The following LANCL3 variants were observed in gnomAD, a reference collection of about 807,000 sequenced individuals.
The protein encoded by LANCL3 is LanC like family member 3, also known as lanC-like protein 3.
In LANCL3, 19 loss-of-function variants were observed where a neutral mutation model predicts 26.5. The ratio of observed to expected loss-of-function variants is 0.72; its 90% CI spans 0.50 to 1.05. LANCL3 has a LOEUF of 1.05. Among genes scored for constraint, LANCL3 ranks in the 50% least tolerant of loss-of-function variants. LANCL3 has a pLI of 0.00. For synonymous variants in LANCL3, 160 were observed against 166.6 expected (o/e 0.96, Z 0.30); for missense variants, 318 against 362.7 (o/e 0.88, Z 1.00).
chrX:37,678,548 G>A lies in LANCL3; in HGVS notation c.*2735G>A, dbSNP rs1163204254. ...GGGGAGACTGCATTATGCTTTGATA[G>A]CAAGACATTTTGGAAACCATTACAA... is the stretch of plus-strand genomic sequence containing the variant. On this transcript the variant is annotated 3_prime_UTR_variant, in exon 5 of 5. Transcript: ENST00000378619. 4 of 111,517 alleles carry A rather than the reference G, an allele frequency of 3.6e-5. No individual in the cohort carries two copies. Among genetic ancestry groups the A allele is most frequent in the African/African-American group, 1.3e-4 (4 of 30,696 alleles). The allele number at this position is 111,517 out of a possible 1,213,427, so 9.2% of individuals were successfully genotyped here.
At chrX:37,650,846 G>C in intron 1 of LANCL3, among the ~76,000 whole-genome samples, 1 of 106,263 alleles carries the variant, frequency 9.4e-6, no homozygotes, top group Admixed American at 1.0e-4. Context: ...CCATTAACTT[G>C]TCATTTATAT....
At chrX:37,629,689 C>T in intron 1 of LANCL3, among the ~76,000 whole-genome samples, 1 of 110,466 alleles carries the variant, frequency 9.1e-6, no homozygotes, top group Admixed American at 9.6e-5. Flanking sequence ...TTCACAGCAC[C>T]ATTTATTAAA....
At chrX:37,581,889 G>A (rs781942747) in intron 1 of LANCL3, among the ~76,000 whole-genome samples, 5 of 110,654 alleles carry the variant, frequency 4.5e-5, no homozygotes, top group South Asian at 7.9e-4. Context: ...CCATTAACTC[G>A]TCATTTATAT....
intron 1 of LANCL3, among the ~76,000 whole-genome samples, chrX:37,627,254 C>G (rs1322572986): frequency 8.9e-6 from 1 of 112,198 alleles, no homozygotes; most frequent in East Asian, 2.8e-4. Context: ...ATGTCTCCTT[C>G]TTTCCCACCT....
chrX:37,666,547 T>C (rs1926551205), intron 3 of LANCL3, among the ~76,000 whole-genome samples: 1 of 112,226 alleles, frequency 8.9e-6, no homozygotes, highest in African/African-American at 3.2e-5. Context: ...CAGGAGAGAA[T>C]GTGATCTTGT....
At chrX:37,625,978 A>G (rs971035456) in intron 1 of LANCL3, among the ~76,000 whole-genome samples, 1 of 112,124 alleles carries the variant, frequency 8.9e-6, no homozygotes, top group Non-Finnish European at 1.9e-5. Context: ...TTTTGCTTAT[A>G]TCACTAACAT....
Position 37,683,414 on chromosome X carries a change from G to A in LANCL3, c.*7601G>A, listed in dbSNP as rs782758228. On this transcript the variant is annotated 3_prime_UTR_variant, in exon 5 of 5. Coordinates refer to ENST00000378619, the MANE Select transcript of LANCL3 (RefSeq NM_001170331.2). ...GTACTATTTGCAATATATTTGCCTT[G>A]GCACAAATGCAGAGTTAAAAACATA... 1.8e-5 allele frequency: 2 copies of A among 111,154 alleles called. No individual in the cohort carries two copies. Among genetic ancestry groups the A allele is most frequent in the South Asian group, 7.6e-4 (2 of 2,616 alleles). 9.2% of individuals were successfully genotyped at this position (111,154 alleles called of 1,213,427 possible).
intron 1 of LANCL3, among the ~76,000 whole-genome samples, chrX:37,628,572 T>C (rs1556423517): frequency 4.0e-5 from 4 of 101,214 alleles, no homozygotes; most frequent in Non-Finnish European, 8.1e-5. Context: ...GCATTAGGTA[T>C]ATCTCCTAAT....
intron 1 of LANCL3, among the ~76,000 whole-genome samples, chrX:37,647,119 C>T (rs1363692700): frequency 9.0e-6 from 1 of 111,118 alleles, no homozygotes; most frequent in African/African-American, 3.3e-5. Context: ...TCGAGACCAT[C>T]CTGGCTAAGA....
At chrX:37,612,576 G>A (rs782818153) in intron 1 of LANCL3, among the ~76,000 whole-genome samples, 2 of 112,372 alleles carry the variant, frequency 1.8e-5, no homozygotes, top group Admixed American at 9.4e-5. Flanking sequence ...AACTGTAAAC[G>A]ATATATCACA....
chrX:37,600,994 T>C (rs1924560727), intron 1 of LANCL3, among the ~76,000 whole-genome samples: 1 of 112,007 alleles, frequency 8.9e-6, no homozygotes, highest in African/African-American at 3.2e-5. Flanking sequence ...CTATTCGTGT[T>C]GGAAACCACT....
At chrX:37,579,411 T>C (rs1304174041) in intron 1 of LANCL3, among the ~76,000 whole-genome samples, 1 of 111,757 alleles carries the variant, frequency 8.9e-6, no homozygotes, top group Non-Finnish European at 1.9e-5. Context: ...ACTTTTCTGA[T>C]CTGATACCTG....
chrX:37,672,191 A>G (rs1024411170), intron 4 of LANCL3, among the ~76,000 whole-genome samples: 11 of 111,947 alleles, frequency 9.8e-5, no homozygotes, highest in African/African-American at 2.9e-4. Context: ...TGGTGAATTC[A>G]GGGCTTTAGG....
intron 4 of LANCL3, among the ~76,000 whole-genome samples, chrX:37,672,402 C>T (rs1193352640): frequency 9.8e-5 from 11 of 112,034 alleles, no homozygotes; most frequent in African/African-American, 3.6e-4. Flanking sequence ...TTCTCTGAAA[C>T]GGAATGTGTA....
At chrX:37,591,723 C>G (rs1414846532) in intron 1 of LANCL3, among the ~76,000 whole-genome samples, 3 of 76,023 alleles carry the variant, frequency 3.9e-5, no homozygotes, top group African/African-American at 3.2e-4. Context: ...TGAGCTCCAG[C>G]TGGTGGTGGG....
intron 1 of LANCL3, among the ~76,000 whole-genome samples, chrX:37,590,377 C>T (rs536295447): frequency 6.2e-5 from 7 of 112,418 alleles, no homozygotes; most frequent in East Asian, 2.8e-4. Context: ...TTTCAGAAAA[C>T]GGTTAATACA....
chrX:37,624,265 A>G lies in LANCL3; in HGVS notation c.574-31423A>G, dbSNP rs142703447. Among the ~76,000 whole-genome samples the G allele has an allele frequency of 6.7e-3, 752 of 111,940 alleles. 14 individuals are homozygous for G. The highest frequency in any genetic ancestry group is 0.024 in the African/African-American group (726 of 30,816). On this transcript the variant is annotated intron_variant, in intron 1 of 4. Transcript: ENST00000378619. ...ACTTACCCATTTCTTCCACTCTGCA[A>G]GATTAAAAATGGTAGCTCATTTTAA...
chrX:37,673,438 C>A (rs1926727182), intron 4 of LANCL3, among the ~76,000 whole-genome samples: 1 of 110,893 alleles, frequency 9.0e-6, no homozygotes, highest in African/African-American at 3.3e-5. Flanking sequence ...CTTCTGCATT[C>A]AGTTTTGGTC....
At position 37,676,564 on chromosome X, in the gene LANCL3, G is replaced by T. The variant is rs1602139728; in HGVS notation, c.*751G>T. The stretch of plus-strand genomic sequence containing the variant: ...ATACTATAGCAAGTGTTGCTGTAAA[G>T]TGTTTTTCTCCATAGGAAGTGTGAA... On this transcript the variant is annotated 3_prime_UTR_variant, in exon 5 of 5. Transcript: ENST00000378619. 1 of 111,777 alleles carries T rather than the reference G, an allele frequency of 8.9e-6. No homozygotes were observed. Among genetic ancestry groups the T allele is most frequent in the East Asian group, 2.8e-4 (1 of 3,597 alleles). 9.2% of individuals were successfully genotyped at this position (111,777 alleles called of 1,213,427 possible).
Sources: allele counts gnomAD v4.1 joint callset (sites outside exome capture counted in the v4.1 genomes callset), GRCh38; gene constraint gnomAD v4.1.1; transcripts MANE v1.5; gene names NCBI Gene and HGNC (gene_info 2026-07-23, HGNC 2026-07-21).